PCBP3: variants seen among roughly 807,000 people sequenced by gnomAD.
PCBP3 encodes poly(rC)-binding protein 3.
In PCBP3, 25 loss-of-function variants were observed where a neutral mutation model predicts 52.7. That is an observed-to-expected ratio of 0.47 (90% CI 0.35 to 0.66). PCBP3 has a LOEUF of 0.66. Ranked by LOEUF, PCBP3 falls within the 30% of genes least tolerant of loss-of-function variation. The pLI, the probability that PCBP3 is intolerant of heterozygous loss-of-function variation, is 0.01. For synonymous variants in PCBP3, 162 were observed against 183.0 expected (o/e 0.89, Z 0.93); for missense variants, 391 against 490.3 (o/e 0.80, Z 1.91).
chr21:45,783,377 A>G (rs1198987248), intron 4 of PCBP3, among the ~76,000 whole-genome samples: 1 of 152,252 alleles, frequency 6.6e-6, no homozygotes, highest in African/African-American at 2.4e-5. Flanking sequence ...CATGGTAGAA[A>G]AAAGTGTAGC....
intron 4 of PCBP3, among the ~76,000 whole-genome samples, chr21:45,839,557 G>A (rs1005757787): frequency 2.0e-5 from 3 of 152,162 alleles, no homozygotes; most frequent in Admixed American, 6.5e-5. Flanking sequence ...ACAGGAGAAA[G>A]GTAATTTGGC....
At chr21:45,696,568 G>A (rs2082789450) in intron 2 of PCBP3, among the ~76,000 whole-genome samples, 1 of 152,100 alleles carries the variant, frequency 6.6e-6, no homozygotes, top group Admixed American at 6.5e-5. Flanking sequence ...AGAGGTGGGT[G>A]GATCATGAGG....
At chr21:45,664,611 T>C (rs1569091585) in intron 1 of PCBP3, among the ~76,000 whole-genome samples, 1 of 151,464 alleles carries the variant, frequency 6.6e-6, no homozygotes, top group Non-Finnish European at 1.5e-5. Flanking sequence ...TTTAATTTTT[T>C]TTTTCTTTTC....
intron 4 of PCBP3, among the ~76,000 whole-genome samples, chr21:45,840,020 T>C (rs2093666338): frequency 6.6e-6 from 1 of 151,938 alleles, no homozygotes; most frequent in African/African-American, 2.4e-5. Context: ...AGTTTAAAAA[T>C]AAAAGTATAA....
At chr21:45,789,433 T>C (rs962324419) in intron 4 of PCBP3, among the ~76,000 whole-genome samples, 1 of 148,244 alleles carries the variant, frequency 6.7e-6, no homozygotes, top group African/African-American at 2.4e-5. Flanking sequence ...TGTGTGTATG[T>C]GTACACATGT....
At chr21:45,909,190 G>C (rs1255393150) in intron 9 of PCBP3, among the ~76,000 whole-genome samples, 165 bp from the exon 10 acceptor site, 1 of 151,964 alleles carries the variant, frequency 6.6e-6, no homozygotes, top group Non-Finnish European at 1.5e-5. Context: ...TTTCAGCGAC[G>C]TCTCCTGGTC....
intron 2 of PCBP3, among the ~76,000 whole-genome samples, chr21:45,729,928 T>C (rs546852129): frequency 6.6e-6 from 1 of 152,214 alleles, no homozygotes; most frequent in East Asian, 1.9e-4. Flanking sequence ...GCCTGGTTAA[T>C]GTAAAAAAAT....
chr21:45,803,078 G>A (rs1472908357), intron 4 of PCBP3, among the ~76,000 whole-genome samples: 1 of 152,222 alleles, frequency 6.6e-6, no homozygotes, highest in African/African-American at 2.4e-5. Flanking sequence ...TTCGTTGGAA[G>A]TCAGTCACAA....
intron 5 of PCBP3, among the ~76,000 whole-genome samples, chr21:45,875,543 G>A (rs556402024): frequency 6.6e-6 from 1 of 152,330 alleles, no homozygotes; most frequent in South Asian, 2.1e-4. Flanking sequence ...GGGCCACTCT[G>A]GCAGGCTGCA....
intron 2 of PCBP3, among the ~76,000 whole-genome samples, chr21:45,689,977 C>G (rs1358185948): frequency 6.6e-6 from 1 of 152,134 alleles, no homozygotes; most frequent in Non-Finnish European, 1.5e-5. Flanking sequence ...CAAACTCTAG[C>G]AGGCTTTTTT....
intron 2 of PCBP3, among the ~76,000 whole-genome samples, chr21:45,700,526 TCCCACA>T (rs912515997): frequency 5.3e-4 from 80 of 152,260 alleles, no homozygotes; most frequent in African/African-American, 1.7e-3. Flanking sequence ...TGGGCCTGTG[TCCCACA>T]CCCTCCACAG....
At chr21:45,819,159 G>A (rs1603443360) in intron 4 of PCBP3, among the ~76,000 whole-genome samples, 1 of 152,186 alleles carries the variant, frequency 6.6e-6, no homozygotes, top group African/African-American at 2.4e-5. Context: ...TCTGGACCTG[G>A]GGGGTGGTGA....
At chr21:45,725,010 G>A (rs1181855958) in intron 2 of PCBP3, among the ~76,000 whole-genome samples, 2 of 152,172 alleles carry the variant, frequency 1.3e-5, no homozygotes, top group African/African-American at 4.8e-5. Context: ...GGTTAAATCT[G>A]CAGAAGGTGT....
At chr21:45,675,000 A>G (rs1384268420) in intron 2 of PCBP3, among the ~76,000 whole-genome samples, 3 of 152,170 alleles carry the variant, frequency 2.0e-5, no homozygotes, top group Non-Finnish European at 4.4e-5. Flanking sequence ...CATCTTCAGG[A>G]CACAGCTTCT....
chr21:45,844,586 G>T (rs889484072), intron 4 of PCBP3, among the ~76,000 whole-genome samples: 1 of 152,102 alleles, frequency 6.6e-6, no homozygotes. Context: ...CTGTGTGTTG[G>T]TGCTCCCTGC....
chr21:45,725,619 T>TA (rs2084969120), intron 2 of PCBP3, among the ~76,000 whole-genome samples: 1 of 152,146 alleles, frequency 6.6e-6, no homozygotes, highest in South Asian at 2.1e-4. Flanking sequence ...GCAGGGTTCT[T>TA]ACCACCATGG....
At chr21:45,806,612 G>A (rs1569247800) in intron 4 of PCBP3, among the ~76,000 whole-genome samples, 1 of 151,920 alleles carries the variant, frequency 6.6e-6, no homozygotes, top group Non-Finnish European at 1.5e-5. Flanking sequence ...TTGAAAGGTG[G>A]GTATTTCATC....
intron 13 of PCBP3, among the ~76,000 whole-genome samples, chr21:45,922,954 C>G (rs1331063701): frequency 6.9e-6 from 1 of 145,178 alleles, no homozygotes; most frequent in African/African-American, 2.7e-5. Flanking sequence ...GTGAAAGAGT[C>G]GTGGGGAAAT....
At chr21:45,727,916 TTCC>T (rs1363702054) in intron 2 of PCBP3, among the ~76,000 whole-genome samples, 3 of 152,248 alleles carry the variant, frequency 2.0e-5, no homozygotes, top group Admixed American at 1.3e-4. Flanking sequence ...CTGTATTCTA[TTCC>T]ATGGGTCAAT....
Sources: allele counts gnomAD v4.1 joint callset (sites outside exome capture counted in the v4.1 genomes callset), GRCh38; gene constraint gnomAD v4.1.1; transcripts MANE v1.5; gene names NCBI Gene and HGNC (gene_info 2026-07-23, HGNC 2026-07-21).